Variants in RBFOX1 observed in about 807,000 individuals in gnomAD.
RBFOX1 encodes RNA binding fox-1 homolog 1.
A neutral mutation model predicts 57.7 loss-of-function variants in RBFOX1; 8 were observed. The observed-to-expected ratio is 0.14, with a 90% CI of 0.08 to 0.25. RBFOX1 has a LOEUF of 0.25. RBFOX1 is among the 10% of genes least tolerant of loss of function. The pLI, the probability that RBFOX1 is intolerant of heterozygous loss-of-function variation, is 1.00. For synonymous variants in RBFOX1, 326 were observed against 222.4 expected (o/e 1.47, Z -4.15); for missense variants, 611 against 548.5 (o/e 1.11, Z -1.14).
intron 11 of RBFOX1, among the ~76,000 whole-genome samples, chr16:7,640,878 T>C (rs1301334041): frequency 6.9e-6 from 1 of 145,852 alleles, no homozygotes; most frequent in East Asian, 2.0e-4. Flanking sequence ...CTTTATTTGC[T>C]TCCCCAAACT....
chr16:5,319,408 C>T (rs983389081), intron 1 of RBFOX1, among the ~76,000 whole-genome samples: 2 of 152,168 alleles, frequency 1.3e-5, no homozygotes, highest in Non-Finnish European at 2.9e-5. Context: ...TGACTGTCTG[C>T]CCTCCCACTG....
At chr16:5,880,651 G>C (rs995603040) in intron 4 of RBFOX1, among the ~76,000 whole-genome samples, 2 of 152,160 alleles carry the variant, frequency 1.3e-5, no homozygotes, top group Admixed American at 1.3e-4. Flanking sequence ...ATGAGTCTCT[G>C]TGTGTGTATG....
rs74007315 is a variant in RBFOX1 at position 6,375,750 on chromosome 16, A to G, written c.-64+58693A>G. ...GGCTCTGGTTTCTGACGGAGCGAGA[A>G]TGAGTACCCAGAGGTTTCCAGAACC... On this transcript the variant is annotated intron_variant, in intron 2 of 15. Coordinates refer to ENST00000550418, the MANE Select transcript of RBFOX1 (RefSeq NM_018723.4). Among the ~76,000 whole-genome samples the G allele has an allele frequency of 6.2e-3, 944 of 152,210 alleles. 12 individuals carry two copies. Among genetic ancestry groups the G allele is most frequent in the African/African-American group, 0.021 (883 of 41,544 alleles).
chr16:7,619,516 T>TG, intron 10 of RBFOX1, among the ~76,000 whole-genome samples: 1 of 292 alleles, frequency 3.4e-3, no homozygotes, highest in Middle Eastern at 0.5. Context: ...TGAGAAGGCT[T>TG]AGAAGGCAAT....
At chr16:6,594,358 G>T (rs1184149756) in intron 2 of RBFOX1, among the ~76,000 whole-genome samples, 1 of 152,132 alleles carries the variant, frequency 6.6e-6, no homozygotes, top group African/African-American at 2.4e-5. Context: ...CCAATGTTAT[G>T]AGAAAAACAA....
chr16:7,526,539 G>A (rs1430586999), intron 5 of RBFOX1, among the ~76,000 whole-genome samples: 2 of 152,126 alleles, frequency 1.3e-5, no homozygotes, highest in African/African-American at 4.8e-5. Flanking sequence ...ACTATCAGAC[G>A]ATGGATTACA....
At chr16:5,290,621 GA>G (rs1389642588) in intron 1 of RBFOX1, among the ~76,000 whole-genome samples, 2 of 152,046 alleles carry the variant, frequency 1.3e-5, no homozygotes, top group Non-Finnish European at 2.9e-5. Context: ...TAGGGGGTGG[GA>G]TGAGTTCACT....
intron 1 of RBFOX1, among the ~76,000 whole-genome samples, chr16:5,396,890 C>T (rs75057666): frequency 0.015 from 2,311 of 152,326 alleles, 30 homozygotes; most frequent in Non-Finnish European, 0.025. Flanking sequence ...TAGAGATTCT[C>T]AGCTGGAGGG....
chr16:6,769,799 T>G (rs2077996662), intron 3 of RBFOX1, among the ~76,000 whole-genome samples: 1 of 152,178 alleles, frequency 6.6e-6, no homozygotes, highest in Non-Finnish European at 1.5e-5. Flanking sequence ...AAGTCAGGGT[T>G]TTTTTTGCAG....
At chr16:5,870,466 C>T (rs1253055047) in intron 4 of RBFOX1, among the ~76,000 whole-genome samples, 1 of 150,068 alleles carries the variant, frequency 6.7e-6, no homozygotes, top group Non-Finnish European at 1.5e-5. Context: ...GGGGAATGGT[C>T]AGATGGTCAT....
At chr16:7,148,761 G>C (rs1318109938) in intron 4 of RBFOX1, among the ~76,000 whole-genome samples, 1 of 152,176 alleles carries the variant, frequency 6.6e-6, no homozygotes, top group Non-Finnish European at 1.5e-5. Flanking sequence ...GGCCTGGGAG[G>C]CAGAGCTGCC....
In RBFOX1 at chr16:5,455,992, C is replaced by T. The variant is rs2068619108; in HGVS notation, c.220-11224C>T. Among the ~76,000 whole-genome samples, 3 of 151,480 alleles carry T rather than the reference C, an allele frequency of 2.0e-5. 1 individual carries two copies. The South Asian group carries it at 6.3e-4, about 32-fold the overall frequency. On this transcript the variant is annotated intron_variant, in intron 1 of 2. Coordinates refer to the RBFOX1 transcript ENST00000585867. ...AAATCTCATGATTTTTGTTGAGTTT[C>T]ATAATGTTAAGAATATGAAAGTAAT...
rs532990032 is a variant in RBFOX1 at position 5,522,158 on chromosome 16, C to G, written c.258+54904C>G. On this transcript the variant is annotated intron_variant, in intron 2 of 2. Coordinates refer to the RBFOX1 transcript ENST00000585867. ...TTTAAGGAGTAAGCTCAGCTCCTCT[C>G]CATTTTGAAGGGTTAAACCCATGGA... Among the ~76,000 whole-genome samples, 6 of 152,308 alleles carry G rather than the reference C, an allele frequency of 3.9e-5. No homozygotes were observed. In the East Asian group the frequency reaches 5.8e-4, roughly 15 times the overall value.
At chr16:5,872,079 T>C (rs1230824445) in intron 4 of RBFOX1, among the ~76,000 whole-genome samples, 1 of 152,116 alleles carries the variant, frequency 6.6e-6, no homozygotes, top group Admixed American at 6.5e-5. Flanking sequence ...CTCAGGAAAA[T>C]AAATTGGGGG....
At chr16:6,980,033 C>T (rs760468943) in intron 3 of RBFOX1, among the ~76,000 whole-genome samples, 3 of 151,184 alleles carry the variant, frequency 2.0e-5, no homozygotes, top group Non-Finnish European at 2.9e-5. Context: ...ATAGTGTTAA[C>T]GGTGGGGCTA....
At chr16:7,536,116 T>G (rs1451662069) in intron 5 of RBFOX1, among the ~76,000 whole-genome samples, 2 of 152,224 alleles carry the variant, frequency 1.3e-5, no homozygotes, top group African/African-American at 2.4e-5. Flanking sequence ...AAAACACTGT[T>G]TCTTCCATCT....
chr16:7,306,423 T>A (rs1269111087), intron 4 of RBFOX1, among the ~76,000 whole-genome samples: 1 of 152,140 alleles, frequency 6.6e-6, no homozygotes, highest in Admixed American at 6.5e-5. Flanking sequence ...TATTTAGAAG[T>A]GACTAAATCA....
At chr16:7,437,592 C>T (rs558089001) in intron 4 of RBFOX1, among the ~76,000 whole-genome samples, 90 of 152,146 alleles carry the variant, frequency 5.9e-4, no homozygotes, top group Middle Eastern at 3.4e-3. Context: ...AACTGCTCCC[C>T]GGCAACATAA....
chr16:6,545,333 A>C (rs768401838), intron 2 of RBFOX1, among the ~76,000 whole-genome samples: 133 of 152,130 alleles, frequency 8.7e-4, no homozygotes, highest in Non-Finnish European at 3.4e-4. Flanking sequence ...GTAAAATAAA[A>C]ACGGATAACT....
Sources: allele counts gnomAD v4.1 joint callset (sites outside exome capture counted in the v4.1 genomes callset), GRCh38; gene constraint gnomAD v4.1.1; transcripts MANE v1.5; gene names NCBI Gene and HGNC (gene_info 2026-07-23, HGNC 2026-07-21).